Variants in HTRA4 observed in about 807,000 individuals in gnomAD.
HTRA4 encodes the protein serine protease HTRA4.
A neutral mutation model predicts 49.1 loss-of-function variants in HTRA4; 46 were observed. That is an observed-to-expected ratio of 0.94 (90% CI 0.74 to 1.20). The LOEUF is 1.20. Among genes scored for constraint, HTRA4 ranks in the 50% most tolerant of loss-of-function variants. The probability of loss-of-function intolerance (pLI) is 0.00; values close to 1 mark genes in which losing one functional copy is unlikely to be tolerated. For missense variants in HTRA4, 602 were observed against 636.9 expected, an observed-to-expected ratio of 0.95 and a Z score of 0.59; for synonymous variants, 261 against 264.0, an observed-to-expected ratio of 0.99 and a Z score of 0.11.
At chr8:38,981,845 C>A (rs1421522705) in intron 6 of HTRA4, 78 bp downstream of exon 6, 2 of 1,056,692 alleles carry the variant, frequency 1.9e-6, no homozygotes, top group Non-Finnish European at 1.4e-6. Context: ...GTGGTGACAG[C>A]AATTTTTTTG....
intron 2 of HTRA4, 111 bp downstream of exon 2, chr8:38,975,241 C>A: frequency 9.1e-7 from 1 of 1,094,614 alleles, no homozygotes; most frequent in Non-Finnish European, 1.4e-6. Flanking sequence ...AGTGAGGAAA[C>A]TGAGACGTAA....
chr8:38,981,870 A>G (rs914595419), intron 6 of HTRA4, 103 bp downstream of exon 6: 2 of 825,394 alleles, frequency 2.4e-6, no homozygotes, highest in African/African-American at 1.7e-5. Context: ...TGTTTTTGAG[A>G]CAGAATTTTG....
rs1835327115 is a variant in HTRA4, at chr8:38,974,912, AC to A, written c.467-118del. On this transcript the variant is annotated intron_variant, in intron 1 of 8. Transcript: ENST00000302495. ...TAACAGGGGCTCTTTACCGGCTGCT[AC>A]GTGGTTTCTCCCTCCCCATGCACCT... 3 of 1,281,424 alleles carry A rather than the reference AC, an allele frequency of 2.3e-6. No individual in the cohort carries two copies. The South Asian group carries it at 3.9e-5, about 17-fold the overall frequency. 79.4% of individuals were successfully genotyped at this position (1,281,424 alleles called of 1,614,324 possible).
rs562357285 is a variant in HTRA4 at position 38,980,792 on chromosome 8, A to G, written c.1000-861A>G. On this transcript the variant is annotated intron_variant, in intron 5 of 8. Transcript: ENST00000302495. Reference sequence around the variant, plus strand: ...CTTTTTTATCCTTTCCCATTACCTAAAAGGCTAAAGGAAGATGAGGTACAT... The same window carrying G: ...CTTTTTTATCCTTTCCCATTACCTAGAAGGCTAAAGGAAGATGAGGTACAT... Among the ~76,000 whole-genome samples the G allele has an allele frequency of 2.0e-5, 3 of 152,172 alleles. No individual in the cohort carries two copies. In the South Asian group the frequency reaches 6.2e-4, roughly 31 times the overall value.
intron 2 of HTRA4, among the ~76,000 whole-genome samples, chr8:38,975,449 C>T (rs1312082522): frequency 6.6e-6 from 1 of 152,238 alleles, no homozygotes; most frequent in East Asian, 1.9e-4. Context: ...CTTGCTCTGT[C>T]GCCAGGGCTG....
Position 38,974,369 on chromosome 8 carries a change from AC to A in HTRA4, c.109del (p.Gln37SerfsTer170). The stretch of plus-strand genomic sequence containing the variant: ...CTGGGCCGGGGCTGAAAAGCTACAT[AC>A]CCAGCCCTCCTGCCCCGCGGTCTGC... ...VLWAGAEKLH[T>X]QPSCPAVCQP... On this transcript the variant is annotated frameshift_variant, in exon 1 of 9. Coordinates refer to ENST00000302495, the MANE Select transcript of HTRA4 (RefSeq NM_153692.4). LOFTEE classifies it high-confidence loss of function. 1 of 1,598,624 alleles carries A rather than the reference AC, an allele frequency of 6.3e-7. No individual in the cohort carries two copies. The highest frequency in any genetic ancestry group is 1.7e-5 in the Admixed American group (1 of 58,092).
chr8:38,974,243 T>C lies in HTRA4; in HGVS notation c.-21T>C. 1.2e-6 allele frequency: 2 copies of C among 1,610,648 alleles called. No homozygotes were observed. Among genetic ancestry groups the C allele is most frequent in the Non-Finnish European group, 1.7e-6 (2 of 1,178,458 alleles). ...GGTCCAGAGTAAAGTCACTGAAGAG[T>C]GGAAGCGAGGAAGGAACAGGATGAT... On this transcript the variant is annotated 5_prime_UTR_variant, in exon 1 of 9. Coordinates refer to ENST00000302495, the MANE Select transcript of HTRA4 (RefSeq NM_153692.4).
At chr8:38,978,176 C>A in intron 4 of HTRA4, 29 bp downstream of exon 4, 1 of 1,581,728 alleles carries the variant, frequency 6.3e-7, no homozygotes, top group Non-Finnish European at 8.6e-7. Flanking sequence ...AGGTGCCCAA[C>A]CCATGGGCTG....
intron 1 of HTRA4, 130 bp downstream of exon 1, chr8:38,974,859 C>T: frequency 8.5e-7 from 1 of 1,178,176 alleles, no homozygotes; most frequent in Non-Finnish European, 1.2e-6. Flanking sequence ...GATTCGACAC[C>T]TCTGTGTTCC....
At chr8:38,977,783 G>A (rs941093324) in intron 3 of HTRA4, among the ~76,000 whole-genome samples, 170 bp from the exon 4 acceptor site, 1 of 152,188 alleles carries the variant, frequency 6.6e-6, no homozygotes, top group Non-Finnish European at 1.5e-5. Context: ...CTTTGAGGAA[G>A]AAGTAGAAGG....
In HTRA4 at chr8:38,987,904, T is replaced by G. The variant is rs1835503666; in HGVS notation, c.1269-32T>G. 7 of 1,522,986 alleles carry G rather than the reference T, an allele frequency of 4.6e-6. No individual in the cohort carries two copies. In the East Asian group the frequency reaches 1.7e-4, roughly 36 times the overall value. The allele number at this position is 1,522,986 out of a possible 1,614,324, so 94.3% of individuals were successfully genotyped here. On this transcript the variant is annotated intron_variant, in intron 8 of 8. Coordinates refer to ENST00000302495, the MANE Select transcript of HTRA4 (RefSeq NM_153692.4). ...GATAAGTAAAATTCTTGTTATAGTTTCATGATCCTCTTTTTTTTCTCCCTC... is the reference window on the plus strand; with the variant it reads ...GATAAGTAAAATTCTTGTTATAGTTGCATGATCCTCTTTTTTTTCTCCCTC...
chr8:38,979,274 C>T, intron 5 of HTRA4, 27 bp downstream of exon 5: 1 of 1,601,570 alleles, frequency 6.2e-7, no homozygotes, highest in South Asian at 1.1e-5. Context: ...CTTGTTGCTT[C>T]ATGTTTCTTC....
intron 2 of HTRA4, among the ~76,000 whole-genome samples, chr8:38,975,546 C>G (rs1835339880): frequency 6.6e-6 from 1 of 152,138 alleles, no homozygotes; most frequent in African/African-American, 2.4e-5. Context: ...GTAACTGGGA[C>G]TATAGGCAGG....
At chr8:38,985,477 C>T (rs752938152) in intron 8 of HTRA4, among the ~76,000 whole-genome samples, 13 of 152,064 alleles carry the variant, frequency 8.5e-5, no homozygotes, top group South Asian at 2.1e-4. Flanking sequence ...TTTATTATCC[C>T]TTTCTCATTG....
At chr8:38,984,110 C>G (rs892545987) in intron 8 of HTRA4, among the ~76,000 whole-genome samples, 2 of 151,940 alleles carry the variant, frequency 1.3e-5, no homozygotes, top group African/African-American at 4.8e-5. Flanking sequence ...AAGCAATTCT[C>G]CTGCCTCAGC....
In HTRA4 at chr8:38,974,329, C is replaced by T; in HGVS notation, c.66C>T (p.Leu22=). The T allele has an allele frequency of 1.2e-6, 2 of 1,612,800 alleles. No homozygotes were observed. Among genetic ancestry groups the T allele is most frequent in the Non-Finnish European group, 1.7e-6 (2 of 1,179,784 alleles). Residue 22 remains leucine, a synonymous_variant, in exon 1 of 9, where the codon CTC becomes CTT. Coordinates refer to ENST00000302495, the MANE Select transcript of HTRA4 (RefSeq NM_153692.4). The part of the protein sequence containing the change: ...GRCLLPGLLL[L]LVPVLWAGAE... ...GCCTCCTGCCGGGGCTGCTGCTGCT[C>T]CTGGTGCCCGTCCTCTGGGCCGGGG...
chr8:38,975,711 T>C (rs1048920296), intron 2 of HTRA4, among the ~76,000 whole-genome samples: 1 of 152,182 alleles, frequency 6.6e-6, no homozygotes, highest in African/African-American at 2.4e-5. Flanking sequence ...TCCAGCTTAG[T>C]AGGCATTTTG....
intron 5 of HTRA4, 30 bp downstream of exon 5, chr8:38,979,277 G>A (rs575744861): frequency 3.7e-6 from 6 of 1,600,954 alleles, no homozygotes; most frequent in East Asian, 2.2e-5. Flanking sequence ...GTTGCTTCAT[G>A]TTTCTTCTTA....
At chr8:38,974,970 C>T (rs1485212387) in intron 1 of HTRA4, 61 bp from the exon 2 acceptor site, 61 of 1,583,512 alleles carry the variant, frequency 3.9e-5, no homozygotes, top group Non-Finnish European at 5.2e-5. Context: ...AACATTTTTC[C>T]AACTAGGATA....
Sources: allele counts gnomAD v4.1 joint callset (sites outside exome capture counted in the v4.1 genomes callset), GRCh38; gene constraint gnomAD v4.1.1; transcripts MANE v1.5; gene names NCBI Gene and HGNC (gene_info 2026-07-23, HGNC 2026-07-21).